Variants in PSMC2 observed in about 807,000 individuals in gnomAD.
PSMC2 encodes proteasome 26S subunit, ATPase 2.
Under a neutral mutation model 53.3 loss-of-function variants are expected in PSMC2, and 7 were observed. The observed-to-expected ratio is 0.13, with a 90% CI of 0.07 to 0.25. PSMC2 has a LOEUF of 0.25. Ranked by LOEUF, PSMC2 falls within the 10% of genes least tolerant of loss-of-function variation. The probability of loss-of-function intolerance (pLI) is 1.00; values close to 1 mark genes in which losing one functional copy is unlikely to be tolerated. For synonymous variants in PSMC2, 169 were observed against 183.9 expected (o/e 0.92, Z 0.66); for missense variants, 241 against 544.0 (o/e 0.44, Z 5.54).
chr7:103,348,524 G>T, intron 1 of PSMC2: 1 of 677,400 alleles, frequency 1.5e-6, no homozygotes, highest in Non-Finnish European at 2.7e-6. Flanking sequence ...TATTATTGAT[G>T]GACGTGTAGA....
Position 103,367,720 on chromosome 7 carries a change from C to T in PSMC2, c.1055C>T (p.Thr352Ile). The T allele has an allele frequency of 3.7e-6, 6 of 1,613,046 alleles. No homozygotes were observed. The highest frequency in any genetic ancestry group is 5.1e-6 in the Non-Finnish European group (6 of 1,179,684). The part of the protein sequence containing the change: ...EFSLPDLEGR[T>I]HIFKIHARSM... ...CAATTTTCTCATTTTTAGGGTCGGA[C>T]CCACATATTTAAGATTCACGCTCGT... The change falls in exon 11 of 12, where the codon ACC becomes ATC. Residue 352 changes from threonine (T) to isoleucine (I), a missense_variant. By Grantham distance (89) the Thr-to-Ile change is moderately conservative. Transcript: ENST00000292644. The surrounding 1 kb of genome is among the most constrained non-coding windows in gnomAD (Gnocchi z 6.1).
Position 103,367,740 on chromosome 7 carries a change from G to A in PSMC2, c.1075G>A (p.Ala359Thr), listed in dbSNP as rs745807754. Residue 359 changes from alanine (A) to threonine (T), a missense_variant, in exon 11 of 12, where the codon GCT becomes ACT. Physicochemically the swap from Ala to Thr is moderately conservative, Grantham distance 58. This residue lies in a region of PSMC2 where 60 missense variants were observed against 115.8 expected (regional missense o/e 0.52). Transcript: ENST00000292644. The surrounding 1 kb of genome is among the most constrained non-coding windows in gnomAD (Gnocchi z 6.1). ...TCGGACCCACATATTTAAGATTCAC[G>A]CTCGTTCAATGAGTGTTGAAAGAGA... is the stretch of plus-strand genomic sequence containing the variant. ...EGRTHIFKIH[A>T]RSMSVERDIR... The A allele has an allele frequency of 1.1e-5, 18 of 1,613,488 alleles. No individual in the cohort carries two copies. Among genetic ancestry groups the A allele is most frequent in the African/African-American group, 2.7e-5 (2 of 74,814 alleles).
chr7:103,366,288 G>A lies in PSMC2; in HGVS notation c.844+125G>A, dbSNP rs1452559503. Reference sequence around the variant, plus strand: ...CAACTCTTCTATGAGCTCTGAAACAGTGGCGCCACAGATCTAATAAGTAGT... The same window carrying A: ...CAACTCTTCTATGAGCTCTGAAACAATGGCGCCACAGATCTAATAAGTAGT... On this transcript the variant is annotated intron_variant, in intron 9 of 11. Coordinates refer to ENST00000292644, the MANE Select transcript of PSMC2 (RefSeq NM_002803.4). 1.6e-5 allele frequency: 13 copies of A among 791,148 alleles called. No individual in the cohort carries two copies. The South Asian group carries it at 2.1e-4, about 13-fold the overall frequency. The allele number at this position is 791,148 out of a possible 1,614,324, so 49.0% of individuals were successfully genotyped here. A position where few individuals can be genotyped will look rare whatever the true frequency, so the allele number is the denominator to read the frequency against.
chr7:103,353,800 T>C, intron 1 of PSMC2, 121 bp from the exon 2 acceptor site: 1 of 820,914 alleles, frequency 1.2e-6, no homozygotes, highest in Admixed American at 2.4e-5. Context: ...ATAATCTTGC[T>C]TGATTTTTGA....
intron 4 of PSMC2, among the ~76,000 whole-genome samples, chr7:103,356,563 T>A (rs1820043816): frequency 6.6e-6 from 1 of 152,242 alleles, no homozygotes; most frequent in Non-Finnish European, 1.5e-5. Flanking sequence ...TGTACTGTGT[T>A]GATTACTAGT....
chr7:103,348,994 A>T (rs1233452102), intron 1 of PSMC2, among the ~76,000 whole-genome samples: 1 of 152,244 alleles, frequency 6.6e-6, no homozygotes, highest in Non-Finnish European at 1.5e-5. Flanking sequence ...ACTTTAACTT[A>T]CAGTGCATGA....
chr7:103,351,285 G>A (rs956956859), intron 1 of PSMC2, among the ~76,000 whole-genome samples: 6 of 152,150 alleles, frequency 3.9e-5, no homozygotes. Context: ...AGGATACAAA[G>A]CAAAATCAGC....
chr7:103,368,107 G>C lies in PSMC2; in HGVS notation c.*53G>C. The C allele has an allele frequency of 6.7e-7, 1 of 1,481,488 alleles. No homozygotes were observed. The highest frequency in any genetic ancestry group is 1.4e-5 in the African/African-American group (1 of 70,812). 91.8% of individuals were successfully genotyped at this position (1,481,488 alleles called of 1,614,324 possible). Reference sequence around the variant, plus strand: ...TAAATTGGAATCCTAACCTTATATAGACTTGTTAATAACCAATTCATAAAC... The same window carrying C: ...TAAATTGGAATCCTAACCTTATATACACTTGTTAATAACCAATTCATAAAC... On this transcript the variant is annotated 3_prime_UTR_variant, in exon 12 of 12. Transcript: ENST00000292644.
At chr7:103,364,985 T>TATA (rs1820631473) in intron 8 of PSMC2, among the ~76,000 whole-genome samples, 3 of 55,590 alleles carry the variant, frequency 5.4e-5, no homozygotes, top group Non-Finnish European at 8.0e-5. Context: ...ATATATATAT[T>TATA]TAGAGAATAA....
At chr7:103,351,477 T>C (rs1342714999) in intron 1 of PSMC2, among the ~76,000 whole-genome samples, 2 of 152,208 alleles carry the variant, frequency 1.3e-5, no homozygotes, top group Admixed American at 1.3e-4. Context: ...GTTTTTATTA[T>C]GGGTTGGTAA....
At chr7:103,363,277 C>A in intron 6 of PSMC2, 67 bp from the exon 7 acceptor site, 1 of 1,274,930 alleles carries the variant, frequency 7.8e-7, no homozygotes, top group Non-Finnish European at 1.1e-6. Flanking sequence ...TAGGTCTATT[C>A]TATTGAATTT....
At chr7:103,347,924 G>A (rs1393780037) in intron 1 of PSMC2, 143 bp downstream of exon 1, 4 of 817,956 alleles carry the variant, frequency 4.9e-6, no homozygotes, top group African/African-American at 3.4e-5. Flanking sequence ...GACACCGGCC[G>A]GATTAACTTG....
At chr7:103,356,697 A>C (rs1820053812) in intron 4 of PSMC2, among the ~76,000 whole-genome samples, 1 of 152,168 alleles carries the variant, frequency 6.6e-6, no homozygotes, top group African/African-American at 2.4e-5. Flanking sequence ...TCTTTTCTTA[A>C]GTATGCTACA....
chr7:103,361,838 C>T, intron 4 of PSMC2, 119 bp from the exon 5 acceptor site: 6 of 947,060 alleles, frequency 6.3e-6, no homozygotes, highest in Non-Finnish European at 7.4e-6. Context: ...AACAGTGTCC[C>T]AGTTTCTGTA....
At chr7:103,364,402 C>A in intron 8 of PSMC2, 95 bp downstream of exon 8, 1 of 1,385,940 alleles carries the variant, frequency 7.2e-7, no homozygotes, top group Non-Finnish European at 9.9e-7. Flanking sequence ...GGGATCCAGA[C>A]CTGAAATTTC....
intron 7 of PSMC2, 45 bp downstream of exon 7, chr7:103,363,484 T>C (rs1820527478): frequency 1.3e-6 from 2 of 1,526,818 alleles, no homozygotes; most frequent in Admixed American, 3.3e-5. Flanking sequence ...TATAAAGATG[T>C]CTTTTGTGTA....
At chr7:103,360,270 C>T (rs1820303760) in intron 4 of PSMC2, among the ~76,000 whole-genome samples, 1 of 152,058 alleles carries the variant, frequency 6.6e-6, no homozygotes, top group Non-Finnish European at 1.5e-5. Flanking sequence ...TAATGTGTCA[C>T]CTCTGGAAAT....
In PSMC2 at chr7:103,367,852, C is replaced by T. The variant is rs1386751886; in HGVS notation, c.1144+43C>T. On this transcript the variant is annotated intron_variant, in intron 11 of 11. Coordinates refer to ENST00000292644, the MANE Select transcript of PSMC2 (RefSeq NM_002803.4). The surrounding 1 kb of genome is among the most constrained non-coding windows in gnomAD (Gnocchi z 6.1). ...GCTTATATTTGCTGGTCTGTCTGCTCAGGCTGCTTTAATTAAGCCCGTTTA... is the reference window on the plus strand; with the variant it reads ...GCTTATATTTGCTGGTCTGTCTGCTTAGGCTGCTTTAATTAAGCCCGTTTA... 7 of 1,612,730 alleles carry T rather than the reference C, an allele frequency of 4.3e-6. No homozygotes were observed. The highest frequency in any genetic ancestry group is 5.1e-6 in the Non-Finnish European group (6 of 1,179,412).
chr7:103,359,138 C>CTTTTTTTTTTTTTTTTTTTT (rs35936603), intron 4 of PSMC2, among the ~76,000 whole-genome samples: 2 of 31,334 alleles, frequency 6.4e-5, no homozygotes, highest in African/African-American at 2.1e-4. Context: ...CCATGTCTGG[C>CTTTTTTTTTTTTTTTTTTTT]TTTTTTTTTT....
Sources: gnomAD v4.1 joint callset for allele counts (sites outside exome capture counted in the v4.1 genomes callset) on GRCh38, gnomAD v4.1.1 for gene constraint, gnomAD v4.1.1 regional missense constraint, Gnocchi (gnomAD v3.1) non-coding constraint, MANE v1.5 for transcripts, NCBI Gene and HGNC (gene_info 2026-07-23, HGNC 2026-07-21) for gene names.